The following TP63 variants were observed in gnomAD, a reference collection of about 807,000 sequenced individuals.
TP63 encodes tumor protein 63.
A neutral mutation model predicts 82.8 loss-of-function variants in TP63; 17 were observed. The observed-to-expected ratio is 0.21, with a 90% CI of 0.14 to 0.31. TP63 has a LOEUF of 0.31. Ranked by LOEUF, TP63 falls within the 10% of genes least tolerant of loss-of-function variation. The pLI is 1.00. For missense variants in TP63, 648 were observed against 895.3 expected, an observed-to-expected ratio of 0.72 and a Z score of 3.52; for synonymous variants, 330 against 321.7, an observed-to-expected ratio of 1.03 and a Z score of -0.28.
At chr3:189,609,987 C>A in the TP63 span, among the ~76,000 whole-genome samples, 2 of 152,164 alleles carry the variant, frequency 1.3e-5, no homozygotes, top group Middle Eastern at 3.2e-3. Flanking sequence ...AACTAATTTA[C>A]ACTCCCACCA....
At chr3:189,616,322 C>A in the TP63 span, among the ~76,000 whole-genome samples, 1 of 152,192 alleles carries the variant, frequency 6.6e-6, no homozygotes, top group Admixed American at 6.5e-5. Flanking sequence ...GAGTAGACAG[C>A]AAAGCCCTAA....
At chr3:189,731,119 G>A (rs116077136) in intron 1 of TP63, among the ~76,000 whole-genome samples, 4,195 of 152,234 alleles carry the variant, frequency 0.028, 119 homozygotes, top group East Asian at 0.14. Context: ...GAGGCAGGTG[G>A]ACCACCTGAG....
Position 189,746,965 on chromosome 3 carries a change from G to A in TP63, c.324+8191G>A, listed in dbSNP as rs182597584. Among the ~76,000 whole-genome samples, 93 of 150,762 alleles carry A rather than the reference G, an allele frequency of 6.2e-4. No individual in the cohort carries two copies. In the Middle Eastern group the frequency reaches 0.01, roughly 17 times the overall value. ...CACTAGCAGGACTAGCTATACTTCC[G>A]TCAGATAAAACAGATTTTAAGGGAA... On this transcript the variant is annotated intron_variant, in intron 3 of 13. Transcript: ENST00000264731.
At chr3:189,619,853 G>A in the TP63 span, among the ~76,000 whole-genome samples, 1,925 of 152,178 alleles carry the variant, frequency 0.013, 45 homozygotes, top group African/African-American at 0.044. Flanking sequence ...CAAAGTCCAC[G>A]TACTTCAGGA....
intron 3 of TP63, among the ~76,000 whole-genome samples, chr3:189,751,193 C>T (rs1721797469): frequency 6.6e-6 from 1 of 152,118 alleles, no homozygotes; most frequent in South Asian, 2.1e-4. Flanking sequence ...TGTATATGTG[C>T]CACATTTTCT....
chr3:189,677,336 A>ATATATAAATATATATAAATAATTATG (rs1715503694), intron 1 of TP63, among the ~76,000 whole-genome samples: 2 of 146,460 alleles, frequency 1.4e-5, no homozygotes, highest in Non-Finnish European at 3.0e-5. Flanking sequence ...ACATATTTAT[A>ATATATAAATATATATAAATAATTATG]TATATAAATA....
At chr3:189,697,081 T>G (rs1717431336) in intron 1 of TP63, among the ~76,000 whole-genome samples, 1 of 152,018 alleles carries the variant, frequency 6.6e-6, no homozygotes, top group Non-Finnish European at 1.5e-5. Context: ...ATTATACATT[T>G]TATCTAAAAA....
chr3:189,880,687 G>A, intron 10 of TP63: 1 of 985,450 alleles, frequency 1.0e-6, no homozygotes. Context: ...TGCTGGTCAT[G>A]TAATAATATT....
At chr3:189,738,978 T>C in intron 3 of TP63, 1 of 675,322 alleles carries the variant, frequency 1.5e-6, no homozygotes, top group Non-Finnish European at 2.5e-6. Context: ...ATATATGTGT[T>C]TCCATCCGTG....
chr3:189,841,146 G>A (rs1409063036), intron 4 of TP63, among the ~76,000 whole-genome samples: 2 of 152,086 alleles, frequency 1.3e-5, no homozygotes, highest in African/African-American at 4.8e-5. Context: ...ATCCTGCAAT[G>A]TACATATAGT....
At chr3:189,742,272 T>G (rs1175761056) in intron 3 of TP63, among the ~76,000 whole-genome samples, 1 of 141,392 alleles carries the variant, frequency 7.1e-6, no homozygotes, top group Non-Finnish European at 1.5e-5. Flanking sequence ...AAAAAAAAAG[T>G]TACTTTATAT....
rs767456249 is a variant in TP63 at position 189,648,757 on chromosome 3, C to T, written c.62+17180C>T. Reference sequence around the variant, plus strand: ...AAATCTTACCATTATCCTGTTTATACGTCTAGATATCTTGTTTGCTCAAAT... The same window carrying T: ...AAATCTTACCATTATCCTGTTTATATGTCTAGATATCTTGTTTGCTCAAAT... On this transcript the variant is annotated intron_variant, in intron 1 of 13. Coordinates refer to ENST00000264731, the MANE Select transcript of TP63 (RefSeq NM_003722.5). Among the ~76,000 whole-genome samples, 19 of 147,016 alleles carry T rather than the reference C, an allele frequency of 1.3e-4. 4 individuals carry two copies. The highest frequency in any genetic ancestry group is 2.1e-4 in the Non-Finnish European group (14 of 67,318).
At chr3:189,739,663 T>C (rs770456250) in intron 3 of TP63, among the ~76,000 whole-genome samples, 42 of 152,154 alleles carry the variant, frequency 2.8e-4, no homozygotes, top group Non-Finnish European at 5.3e-4. Context: ...AGTGGTGAGA[T>C]CATAGGTGTT....
intron 4 of TP63, among the ~76,000 whole-genome samples, chr3:189,817,093 A>C (rs1017848840): frequency 6.6e-6 from 1 of 151,958 alleles, no homozygotes; most frequent in Non-Finnish European, 1.5e-5. Flanking sequence ...TAATTGTGTT[A>C]GTACCAACCT....
At chr3:189,793,593 T>C (rs925514931) in intron 3 of TP63, among the ~76,000 whole-genome samples, 12 of 152,078 alleles carry the variant, frequency 7.9e-5, no homozygotes, top group African/African-American at 2.2e-4. Context: ...TTGATGTGCA[T>C]ATGATTGCTC....
intron 1 of TP63, among the ~76,000 whole-genome samples, chr3:189,677,304 T>C (rs1346502063): frequency 2.3e-5 from 2 of 87,090 alleles, no homozygotes. Flanking sequence ...ATAAATGTTT[T>C]ATATATATTC....
intron 1 of TP63, among the ~76,000 whole-genome samples, chr3:189,737,037 C>T (rs1002729423): frequency 6.6e-6 from 1 of 152,082 alleles, no homozygotes; most frequent in African/African-American, 2.4e-5. Flanking sequence ...AACTTCAGGG[C>T]TCAGCAGCAA....
intron 3 of TP63, among the ~76,000 whole-genome samples, chr3:189,775,496 C>G (rs1723727156): frequency 6.6e-6 from 1 of 152,150 alleles, no homozygotes. Flanking sequence ...TTTCTCTCTC[C>G]TTGTTTTCAC....
At position 189,886,820 on chromosome 3, in the gene TP63, A is replaced by G. The variant is rs2166815; in HGVS notation, c.1507+269A>G. Reference sequence around the variant, plus strand: ...TGAAAAGAACAGTCTACTTGCTGCTATCCTGGATGGAGACTCACCACCTGC... The same window carrying G: ...TGAAAAGAACAGTCTACTTGCTGCTGTCCTGGATGGAGACTCACCACCTGC... On this transcript the variant is annotated intron_variant, in intron 11 of 13. Transcript: ENST00000264731. Among the ~76,000 whole-genome samples, 8,321 of 152,154 alleles carry G rather than the reference A, an allele frequency of 0.055. 735 individuals are homozygous for G. The highest frequency in any genetic ancestry group is 0.19 in the African/African-American group (7,673 of 41,462).
Sources: gnomAD v4.1 joint callset for allele counts (sites outside exome capture counted in the v4.1 genomes callset) on GRCh38, gnomAD v4.1.1 for gene constraint, MANE v1.5 for transcripts, NCBI Gene and HGNC (gene_info 2026-07-23, HGNC 2026-07-21) for gene names.